The following KIAA1217 variants were observed in gnomAD, a reference collection of about 807,000 sequenced individuals.
The protein encoded by KIAA1217 is KIAA1217.
Under a neutral mutation model 163.9 loss-of-function variants are expected in KIAA1217, and 88 were observed. That is an observed-to-expected ratio of 0.54 (90% confidence interval 0.45 to 0.64). The LOEUF is 0.64. Among genes scored for constraint, KIAA1217 ranks in the 30% least tolerant of loss-of-function variants. KIAA1217 has a pLI of 0.00. For missense variants in KIAA1217, 2,372 were observed against 2,475.0 expected (o/e 0.96, Z 0.88); for synonymous variants, 903 against 923.1 (o/e 0.98, Z 0.39).
At chr10:24,129,310 A>G (rs990840490) in intron 2 of KIAA1217, among the ~76,000 whole-genome samples, 2 of 152,198 alleles carry the variant, frequency 1.3e-5, no homozygotes, top group African/African-American at 2.4e-5. Context: ...ACTCAAGGGC[A>G]TCAGAGAAAT....
chr10:24,498,186 G>A (rs1181933999), intron 8 of KIAA1217, among the ~76,000 whole-genome samples: 1 of 152,148 alleles, frequency 6.6e-6, no homozygotes, highest in East Asian at 1.9e-4. Flanking sequence ...TCCCTAGAAA[G>A]TATGTCCAGC....
intron 2 of KIAA1217, among the ~76,000 whole-genome samples, chr10:24,366,358 T>C (rs977357584): frequency 6.6e-6 from 1 of 152,054 alleles, no homozygotes; most frequent in African/African-American, 2.4e-5. Context: ...GGCAGGAGAA[T>C]CGCTTTAACT....
chr10:24,092,928 T>TGTGTGTG (rs548350322), intron 2 of KIAA1217, among the ~76,000 whole-genome samples: 2,866 of 141,006 alleles, frequency 0.02, 129 homozygotes, highest in African/African-American at 0.074. Context: ...TGTGTGTGTG[T>TGTGTGTG]TGTGTGTGTG....
chr10:24,019,266 C>T lies in KIAA1217; in HGVS notation c.-171+11892C>T, dbSNP rs547151160. Among the ~76,000 whole-genome samples the T allele has an allele frequency of 2.4e-3, 360 of 152,016 alleles. 1 individual carries two copies. The highest frequency in any genetic ancestry group is 8.3e-3 in the African/African-American group (345 of 41,514). Reference sequence around the variant, plus strand: ...TGTTAATTTGCTTGATTTAATAATTCTGCTATGTATACATATATCAAAACA... The same window carrying T: ...TGTTAATTTGCTTGATTTAATAATTTTGCTATGTATACATATATCAAAACA... On this transcript the variant is annotated intron_variant, in intron 2 of 18. Coordinates refer to the KIAA1217 transcript ENST00000376462.
Position 23,813,838 on chromosome 10 carries a change from G to A in KIAA1217, c.-321+118604G>A, listed in dbSNP as rs190300529. ...AAGTGCGTCAGTTCACACTCTTCTA[G>A]TAAGTGCCTGTTTCATTATGTCCTT... On this transcript the variant is annotated intron_variant, in intron 1 of 18. Transcript: ENST00000376462. Among the ~76,000 whole-genome samples, 7 of 152,254 alleles carry A rather than the reference G, an allele frequency of 4.6e-5. No homozygotes were observed. The East Asian group carries it at 5.8e-4, about 13-fold the overall frequency.
chr10:24,484,241 ATTTTTT>A (rs59233394), intron 6 of KIAA1217, among the ~76,000 whole-genome samples: 6 of 75,144 alleles, frequency 8.0e-5, no homozygotes, highest in East Asian at 4.5e-4. Flanking sequence ...ATATATATAT[ATTTTTT>A]TTTTTTTTTT....
intron 1 of KIAA1217, among the ~76,000 whole-genome samples, chr10:23,902,545 G>C (rs1299307755): frequency 6.6e-6 from 1 of 152,090 alleles, no homozygotes; most frequent in East Asian, 1.9e-4. Context: ...TGCATAAGGA[G>C]GGAGTAGATG....
chr10:23,811,966 T>C (rs10828553), intron 1 of KIAA1217, among the ~76,000 whole-genome samples: 31,558 of 152,042 alleles, frequency 0.21, 3,421 homozygotes, highest in Middle Eastern at 0.29. Flanking sequence ...ATGCCTACAG[T>C]CCCAGCTGTT....
intron 1 of KIAA1217, among the ~76,000 whole-genome samples, chr10:23,993,553 C>CTTTTGTTTTTTTTTTT (rs1846318686): frequency 2.9e-5 from 2 of 68,956 alleles, no homozygotes; most frequent in Non-Finnish European, 2.4e-5. Flanking sequence ...CATAGCCCAG[C>CTTTTGTTTTTTTTTTT]TTTTTTTTTT....
chr10:24,526,494 G>C (rs1474898585), intron 13 of KIAA1217, among the ~76,000 whole-genome samples: 1 of 152,204 alleles, frequency 6.6e-6, no homozygotes, highest in Non-Finnish European at 1.5e-5. Context: ...ATGTCAGTAT[G>C]ATGGCACTCT....
At chr10:24,381,236 TGG>T (rs2053257728) in intron 3 of KIAA1217, among the ~76,000 whole-genome samples, 169 bp downstream of exon 3, 1 of 152,240 alleles carries the variant, frequency 6.6e-6, no homozygotes. Context: ...ATTTGCCTGC[TGG>T]GTAATCAGGT....
At chr10:24,113,888 C>A (rs918514227) in intron 2 of KIAA1217, among the ~76,000 whole-genome samples, 1 of 152,118 alleles carries the variant, frequency 6.6e-6, no homozygotes, top group African/African-American at 2.4e-5. Context: ...AAAATGCAGA[C>A]CCCCATGTTC....
intron 5 of KIAA1217, among the ~76,000 whole-genome samples, chr10:24,454,912 T>G (rs2061652460): frequency 6.6e-6 from 1 of 152,066 alleles, no homozygotes; most frequent in Admixed American, 6.6e-5. Context: ...TCACCAGATA[T>G]CTGCAGGGTT....
At chr10:24,019,121 G>C (rs1340845624) in intron 2 of KIAA1217, among the ~76,000 whole-genome samples, 1 of 152,024 alleles carries the variant, frequency 6.6e-6, no homozygotes, top group Non-Finnish European at 1.5e-5. Flanking sequence ...TTGGAGATTT[G>C]TTGTACAGCA....
chr10:23,905,719 A>T (rs997188200), intron 1 of KIAA1217, among the ~76,000 whole-genome samples: 1 of 152,136 alleles, frequency 6.6e-6, no homozygotes, highest in East Asian at 1.9e-4. Context: ...TGAGGACTAT[A>T]TCATTCACTA....
At chr10:24,049,388 T>C (rs559033481) in intron 2 of KIAA1217, among the ~76,000 whole-genome samples, 4 of 152,306 alleles carry the variant, frequency 2.6e-5, no homozygotes, top group African/African-American at 7.2e-5. Context: ...AATTATCTCT[T>C]TTTTTAACTC....
At chr10:24,376,785 A>ATG (rs2052559225) in intron 2 of KIAA1217, among the ~76,000 whole-genome samples, 2 of 152,162 alleles carry the variant, frequency 1.3e-5, no homozygotes, top group African/African-American at 4.8e-5. Context: ...ATGAATGACC[A>ATG]ACCAACCAAT....
chr10:24,421,930 T>G (rs2058762294), intron 3 of KIAA1217, among the ~76,000 whole-genome samples: 1 of 152,252 alleles, frequency 6.6e-6, no homozygotes, highest in South Asian at 2.1e-4. Flanking sequence ...TGTCTTCGTC[T>G]GTTCTCATGC....
Position 23,814,669 on chromosome 10 carries a change from T to C in KIAA1217, c.-321+119435T>C, listed in dbSNP as rs1323370039. Among the ~76,000 whole-genome samples, 7 of 152,362 alleles carry C rather than the reference T, an allele frequency of 4.6e-5. No individual in the cohort carries two copies. The East Asian group carries it at 9.6e-4, about 21-fold the overall frequency. On this transcript the variant is annotated intron_variant, in intron 1 of 18. Coordinates refer to the KIAA1217 transcript ENST00000376462. ...TTTTAAAATTAATCCTCCTCATGTT[T>C]GAAATTGTCCTATGCTCTTATCCAG...
Sources: gnomAD v4.1 joint callset for allele counts (sites outside exome capture counted in the v4.1 genomes callset) on GRCh38, gnomAD v4.1.1 for gene constraint, MANE v1.5 for transcripts, NCBI Gene and HGNC (gene_info 2026-07-23, HGNC 2026-07-21) for gene names.